DCLK1: variants seen among roughly 807,000 people sequenced by gnomAD.
The protein encoded by DCLK1 is serine/threonine-protein kinase DCLK1.
A neutral mutation model predicts 86.2 loss-of-function variants in DCLK1; 16 were observed. The ratio of observed to expected loss-of-function variants is 0.19; its 90% CI spans 0.13 to 0.28. The LOEUF (loss-of-function observed/expected upper bound fraction) is 0.28, where lower values mean the gene tolerates loss of function less well. Ranked by LOEUF, DCLK1 falls within the 10% of genes least tolerant of loss-of-function variation. The pLI is 1.00. For missense variants in DCLK1, 590 were observed against 940.2 expected, an observed-to-expected ratio of 0.63 and a Z score of 4.87; for synonymous variants, 369 against 370.5, an observed-to-expected ratio of 1.00 and a Z score of 0.05.
Position 35,827,653 on chromosome 13 carries a change from A to T in DCLK1, c.1389T>A (p.Leu463=). Residue 463 remains leucine, a synonymous_variant, in exon 10 of 17, where the codon CTT becomes CTA. Coordinates refer to ENST00000360631, the MANE Select transcript of DCLK1 (RefSeq NM_001330071.2). ...TACACACCTTTACTAATTCCATGAC[A>T]AGATACAGTTCAGTTGGCACATCCA... The part of the protein sequence containing the change: ...EEMDVPTELY[L]VMELVKGGDL... 1 of 1,614,012 alleles carries T rather than the reference A, an allele frequency of 6.2e-7. No individual in the cohort carries two copies. Among genetic ancestry groups the T allele is most frequent in the Non-Finnish European group, 8.5e-7 (1 of 1,179,982 alleles).
chr13:35,798,896 A>AT (rs1457074193), intron 15 of DCLK1, among the ~76,000 whole-genome samples: 2 of 151,974 alleles, frequency 1.3e-5, no homozygotes, highest in Admixed American at 6.6e-5. Flanking sequence ...CCAGGCTTCT[A>AT]TTTTTTCTTC....
chr13:36,044,377 T>C (rs967496877), intron 3 of DCLK1, among the ~76,000 whole-genome samples: 1 of 152,196 alleles, frequency 6.6e-6, no homozygotes, highest in East Asian at 1.9e-4. Flanking sequence ...CCAGTTTTTA[T>C]TTTTTCTTAA....
chr13:35,976,721 A>G (rs1391317696), intron 3 of DCLK1, among the ~76,000 whole-genome samples: 2 of 150,062 alleles, frequency 1.3e-5, no homozygotes. Context: ...TTTTTAGTAG[A>G]GACGGGGTTT....
At chr13:35,926,468 T>A (rs974527454) in intron 4 of DCLK1, among the ~76,000 whole-genome samples, 2 of 152,246 alleles carry the variant, frequency 1.3e-5, no homozygotes, top group African/African-American at 4.8e-5. Context: ...GCAGCCCTTG[T>A]ACCATTTTCC....
chr13:35,873,037 G>A (rs567311774), intron 4 of DCLK1, among the ~76,000 whole-genome samples: 1 of 151,898 alleles, frequency 6.6e-6, no homozygotes, highest in Non-Finnish European at 1.5e-5. Context: ...TAGAAAGTCA[G>A]GTCACTCCTT....
At chr13:35,825,494 AGACT>A (rs2087499186) in intron 10 of DCLK1, among the ~76,000 whole-genome samples, 2 of 152,174 alleles carry the variant, frequency 1.3e-5, no homozygotes, top group African/African-American at 4.8e-5. Flanking sequence ...CACGATTGAC[AGACT>A]AAGATTTCTC....
intron 3 of DCLK1, among the ~76,000 whole-genome samples, chr13:36,080,087 G>A (rs1884367184): frequency 6.7e-6 from 1 of 149,418 alleles, no homozygotes; most frequent in South Asian, 2.2e-4. Flanking sequence ...TTTGGGTCAG[G>A]TTTTGCCAAC....
chr13:36,090,712 G>A (rs570440335), intron 3 of DCLK1, among the ~76,000 whole-genome samples: 1 of 152,212 alleles, frequency 6.6e-6, no homozygotes, highest in Non-Finnish European at 1.5e-5. Context: ...ACATTTCTGG[G>A]CAGATCGGAG....
intron 3 of DCLK1, among the ~76,000 whole-genome samples, chr13:36,050,536 G>T (rs1269720813): frequency 1.3e-5 from 2 of 152,124 alleles, no homozygotes; most frequent in African/African-American, 2.4e-5. Context: ...CAACCTTTAA[G>T]AATCCCAATG....
chr13:36,088,009 C>T (rs1258251633), intron 3 of DCLK1, among the ~76,000 whole-genome samples: 1 of 152,144 alleles, frequency 6.6e-6, no homozygotes, highest in Non-Finnish European at 1.5e-5. Context: ...TTTTTAAAAC[C>T]ATGATGTGGG....
chr13:35,911,340 T>C (rs991970317), intron 4 of DCLK1, among the ~76,000 whole-genome samples: 1 of 151,490 alleles, frequency 6.6e-6, no homozygotes, highest in Non-Finnish European at 1.5e-5. Context: ...ACAACGACCT[T>C]TTCAGAGATA....
intron 3 of DCLK1, among the ~76,000 whole-genome samples, chr13:36,008,234 T>C (rs57610271): frequency 9.1e-6 from 1 of 109,848 alleles, no homozygotes; most frequent in African/African-American, 3.7e-5. Flanking sequence ...ATTATTTTTT[T>C]AATTATACTT....
intron 15 of DCLK1, among the ~76,000 whole-genome samples, chr13:35,797,188 A>T (rs1449282153): frequency 6.6e-6 from 1 of 152,188 alleles, no homozygotes; most frequent in Non-Finnish European, 1.5e-5. Flanking sequence ...CCTAGGTGTA[A>T]ATATGGGGAA....
At chr13:36,123,263 CAA>C (rs892519393) in intron 2 of DCLK1, among the ~76,000 whole-genome samples, 8 of 152,026 alleles carry the variant, frequency 5.3e-5, no homozygotes, top group African/African-American at 1.7e-4. Context: ...ATGTAATTGA[CAA>C]AGAGGCGAAT....
At chr13:35,946,586 C>T (rs1391472324) in intron 4 of DCLK1, among the ~76,000 whole-genome samples, 4 of 152,176 alleles carry the variant, frequency 2.6e-5, no homozygotes, top group Non-Finnish European at 4.4e-5. Flanking sequence ...TTTCAAAAAG[C>T]ATTTCCAACT....
At chr13:35,883,519 G>A (rs1593696518) in intron 4 of DCLK1, among the ~76,000 whole-genome samples, 1 of 152,154 alleles carries the variant, frequency 6.6e-6, no homozygotes, top group Admixed American at 6.5e-5. Flanking sequence ...TGCTTCTTGT[G>A]TAGTCTGCAG....
chr13:35,958,759 T>C (rs560964261), intron 3 of DCLK1, among the ~76,000 whole-genome samples: 102 of 152,306 alleles, frequency 6.7e-4, no homozygotes, highest in African/African-American at 2.3e-3. Context: ...AAAATTATTT[T>C]AGGAATAAAT....
chr13:35,999,780 G>T (rs1419678407), intron 3 of DCLK1, among the ~76,000 whole-genome samples: 1 of 152,142 alleles, frequency 6.6e-6, no homozygotes, highest in African/African-American at 2.4e-5. Flanking sequence ...GAGGAAATTG[G>T]TAGGAGATCT....
Position 36,006,942 on chromosome 13 carries a change from T to G in DCLK1, c.724-59485A>C, listed in dbSNP as rs922600558. Among the ~76,000 whole-genome samples, 17 of 152,242 alleles carry G rather than the reference T, an allele frequency of 1.1e-4. 1 individual carries two copies. Among genetic ancestry groups the G allele is most frequent in the African/African-American group, 4.1e-4 (17 of 41,472 alleles). ...AAGTATTTGGAAATATGAAAATGTC[T>G]GAATTGCTGTTTCCTGTGCTCAGAT... On this transcript the variant is annotated intron_variant, in intron 3 of 16. Coordinates refer to ENST00000360631, the MANE Select transcript of DCLK1 (RefSeq NM_001330071.2).
Sources: allele counts gnomAD v4.1 joint callset (sites outside exome capture counted in the v4.1 genomes callset), GRCh38; gene constraint gnomAD v4.1.1; transcripts MANE v1.5; gene names NCBI Gene and HGNC (gene_info 2026-07-23, HGNC 2026-07-21).